PDE1A: variants seen among roughly 807,000 people sequenced by gnomAD.
PDE1A encodes the protein dual specificity calcium/calmodulin-dependent 3',5'-cyclic nucleotide phosphodiesterase 1A.
PDE1A carries 35 observed loss-of-function variants against 61.7 expected under a neutral mutation model. The observed-to-expected ratio is 0.57, with a 90% CI of 0.43 to 0.75. The LOEUF is 0.75. Among genes scored for constraint, PDE1A ranks in the 30% least tolerant of loss-of-function variants. PDE1A has a pLI of 0.00. For synonymous variants in PDE1A, 232 were observed against 213.2 expected, an observed-to-expected ratio of 1.09 and a Z score of -0.77; for missense variants, 597 against 630.6, an observed-to-expected ratio of 0.95 and a Z score of 0.57.
At chr2:182,385,246 CACAG>C (rs1213893001) in intron 1 of PDE1A, among the ~76,000 whole-genome samples, 2 of 152,180 alleles carry the variant, frequency 1.3e-5, no homozygotes, top group South Asian at 2.1e-4. Context: ...CTGCTAGTCA[CACAG>C]ACAAATTCAT....
At chr2:182,382,704 GA>G (rs34661945) in intron 1 of PDE1A, among the ~76,000 whole-genome samples, 94,412 of 149,376 alleles carry the variant, frequency 0.63, 29,989 homozygotes, top group East Asian at 0.96. Context: ...TTACTGTTTA[GA>G]AAAAAAAAAA....
chr2:182,492,319 T>C (rs1688444005), intron 2 of PDE1A, among the ~76,000 whole-genome samples: 1 of 152,196 alleles, frequency 6.6e-6, no homozygotes, highest in Non-Finnish European at 1.5e-5. Flanking sequence ...GCTCGACTTC[T>C]TAAGGTTTAC....
At chr2:182,561,245 A>G in the PDE1A span, among the ~76,000 whole-genome samples, 1 of 152,086 alleles carries the variant, frequency 6.6e-6, no homozygotes, top group Non-Finnish European at 1.5e-5. Context: ...AGGTGTAAGG[A>G]AGGGATCCAG....
At chr2:182,493,390 G>T (rs568855299) in intron 2 of PDE1A, among the ~76,000 whole-genome samples, 2 of 151,868 alleles carry the variant, frequency 1.3e-5, no homozygotes, top group Non-Finnish European at 2.9e-5. Flanking sequence ...CCATTAACTC[G>T]TCATTTACAT....
the PDE1A span, among the ~76,000 whole-genome samples, chr2:182,616,293 T>A: frequency 1.1e-4 from 16 of 152,224 alleles, no homozygotes; most frequent in Non-Finnish European, 1.9e-4. Context: ...AGGTATCTCC[T>A]ATTATCCCCA....
intron 2 of PDE1A, among the ~76,000 whole-genome samples, chr2:182,495,123 G>A (rs548194696): frequency 2.0e-5 from 3 of 152,126 alleles, no homozygotes; most frequent in South Asian, 4.1e-4. Flanking sequence ...GCACGTGGCC[G>A]GCAGAGGGAC....
intron 1 of PDE1A, among the ~76,000 whole-genome samples, chr2:182,308,743 T>G (rs1695765686): frequency 2.6e-5 from 4 of 152,068 alleles, no homozygotes; most frequent in Admixed American, 2.6e-4. Context: ...TATGAAAGCC[T>G]TTGAAACAAT....
At chr2:182,488,606 TGAAG>T (rs1688177283) in intron 2 of PDE1A, among the ~76,000 whole-genome samples, 1 of 152,226 alleles carries the variant, frequency 6.6e-6, no homozygotes, top group South Asian at 2.1e-4. Flanking sequence ...GTCTATCTAC[TGAAG>T]CCTTCTGCAA....
chr2:182,630,787 C>G, the PDE1A span, among the ~76,000 whole-genome samples: 1 of 152,114 alleles, frequency 6.6e-6, no homozygotes. Flanking sequence ...AATCCAGCAT[C>G]AGCTCTCCCT....
At chr2:182,564,181 A>G in the PDE1A span, among the ~76,000 whole-genome samples, 44,116 of 151,860 alleles carry the variant, frequency 0.29, 6,937 homozygotes, top group Middle Eastern at 0.39. Context: ...ATGATTTTGC[A>G]GTGGCTGGTA....
At chr2:182,253,531 C>A (rs1462356688) in intron 2 of PDE1A, among the ~76,000 whole-genome samples, 1 of 152,068 alleles carries the variant, frequency 6.6e-6, no homozygotes, top group Non-Finnish European at 1.5e-5. Context: ...AACCTTCTGC[C>A]AACACCCCCC....
At chr2:182,459,788 C>A (rs1686158247) in intron 2 of PDE1A, among the ~76,000 whole-genome samples, 1 of 152,178 alleles carries the variant, frequency 6.6e-6, no homozygotes, top group Non-Finnish European at 1.5e-5. Context: ...AAACCCCTAA[C>A]AAATATCCAC....
chr2:182,568,398 A>G, the PDE1A span, among the ~76,000 whole-genome samples: 10 of 152,322 alleles, frequency 6.6e-5, no homozygotes, highest in Middle Eastern at 3.4e-3. Context: ...AAACACAAAG[A>G]CTGGGCGCGG....
the PDE1A span, among the ~76,000 whole-genome samples, chr2:182,555,947 C>A: frequency 1.9e-5 from 2 of 103,434 alleles, no homozygotes; most frequent in Admixed American, 1.6e-4. Flanking sequence ...AGCCTGGAGA[C>A]AGAGGGAAAC....
At chr2:182,514,358 G>A (rs1690004977) in intron 2 of PDE1A, among the ~76,000 whole-genome samples, 1 of 152,102 alleles carries the variant, frequency 6.6e-6, no homozygotes, top group Admixed American at 6.5e-5. Flanking sequence ...TCAAAAAAGA[G>A]CATGAACAGT....
chr2:182,302,808 A>T (rs2125921235), intron 1 of PDE1A, among the ~76,000 whole-genome samples: 1 of 152,154 alleles, frequency 6.6e-6, no homozygotes, highest in East Asian at 1.9e-4. Flanking sequence ...TTTTTTTCTT[A>T]CCAACTAAGT....
the PDE1A span, among the ~76,000 whole-genome samples, chr2:182,614,906 C>A: frequency 3.9e-5 from 6 of 152,064 alleles, no homozygotes; most frequent in Admixed American, 3.9e-4. Flanking sequence ...TTATCCCAAA[C>A]CTTAGCATGA....
chr2:182,399,133 G>T (rs972503378), intron 1 of PDE1A, among the ~76,000 whole-genome samples: 5 of 151,766 alleles, frequency 3.3e-5, no homozygotes, highest in African/African-American at 1.2e-4. Context: ...TCTCAGTTTA[G>T]CCTATAATTA....
chr2:182,674,575 CATATAT>C, the PDE1A span, among the ~76,000 whole-genome samples: 1 of 149,426 alleles, frequency 6.7e-6, no homozygotes, highest in Admixed American at 6.7e-5. Flanking sequence ...TTCACAGATA[CATATAT>C]ATATATATAT....
Sources: gnomAD v4.1 joint callset for allele counts (sites outside exome capture counted in the v4.1 genomes callset) on GRCh38, gnomAD v4.1.1 for gene constraint, MANE v1.5 for transcripts, NCBI Gene and HGNC (gene_info 2026-07-23, HGNC 2026-07-21) for gene names.